TCEA1: variants seen among roughly 807,000 people sequenced by gnomAD.
TCEA1 encodes the protein transcription elongation factor A protein 1.
A neutral mutation model predicts 43.8 loss-of-function variants in TCEA1; 21 were observed. That is an observed-to-expected ratio of 0.48 (90% CI 0.34 to 0.69). The LOEUF (loss-of-function observed/expected upper bound fraction) is 0.69. TCEA1 is among the 30% of genes least tolerant of loss of function. TCEA1 has a pLI of 0.01. For missense variants in TCEA1, 250 were observed against 365.1 expected (o/e 0.68, Z 2.57); for synonymous variants, 104 against 117.5 (o/e 0.88, Z 0.75).
chr8:54,004,772 T>C (rs1169908686), intron 2 of TCEA1, among the ~76,000 whole-genome samples: 1 of 140,324 alleles, frequency 7.1e-6, no homozygotes, highest in Non-Finnish European at 1.5e-5. Context: ...TATATCTCAA[T>C]AATACTGTTT....
chr8:54,014,103 CA>C (rs1299784432), intron 1 of TCEA1, among the ~76,000 whole-genome samples: 4 of 151,860 alleles, frequency 2.6e-5, no homozygotes. Context: ...TAACTACACA[CA>C]AAAAAAAGAA....
Position 54,022,117 on chromosome 8 carries a change from G to A in TCEA1, c.9C>T (p.Asp3=), listed in dbSNP as rs1805062633. The A allele has an allele frequency of 4.4e-6, 7 of 1,603,330 alleles. No individual in the cohort carries two copies. Among genetic ancestry groups the A allele is most frequent in the Non-Finnish European group, 5.1e-6 (6 of 1,175,410 alleles). Residue 3 remains aspartate, a synonymous_variant, in exon 1 of 10, where the codon GAC becomes GAT. Transcript: ENST00000521604. ME[D]EVVRFAKKMD... is the part of the protein sequence containing the mutation. ...TCTTCTTGGCAAAGCGGACCACTTC[G>A]TCCTCCATGGCTCCGGCAGGTCTTC...
chr8:54,000,297 A>T (rs1804216478), intron 2 of TCEA1, among the ~76,000 whole-genome samples: 1 of 152,228 alleles, frequency 6.6e-6, no homozygotes, highest in African/African-American at 2.4e-5. Context: ...AAGTCTGGTT[A>T]ACTAGAAAAA....
chr8:53,990,464 C>A (rs369250350), intron 4 of TCEA1, among the ~76,000 whole-genome samples: 1 of 151,532 alleles, frequency 6.6e-6, no homozygotes, highest in Non-Finnish European at 1.5e-5. Flanking sequence ...CAAACTCAGA[C>A]GGTTCTCCTG....
At chr8:54,008,908 G>A (rs183006315) in intron 2 of TCEA1, among the ~76,000 whole-genome samples, 1 of 148,552 alleles carries the variant, frequency 6.7e-6, no homozygotes, top group African/African-American at 2.5e-5. Flanking sequence ...GAAGTGCAGT[G>A]GCGCAATCTC....
At chr8:53,996,903 C>CTTTGTTTTTTTTTTTTTTT in intron 3 of TCEA1, among the ~76,000 whole-genome samples, 1 of 116,626 alleles carries the variant, frequency 8.6e-6, no homozygotes, top group Non-Finnish European at 1.6e-5. Context: ...AGAAGGTTGT[C>CTTTGTTTTTTTTTTTTTTT]TTTTTTTTTT....
At position 53,978,905 on chromosome 8, in the gene TCEA1, C is replaced by T. The variant is rs894121481; in HGVS notation, c.825+120G>A. 2.0e-5 allele frequency: 25 copies of T among 1,236,050 alleles called. No individual in the cohort carries two copies. In the East Asian group the frequency reaches 6.1e-4, roughly 30 times the overall value. The allele number at this position is 1,236,050 out of a possible 1,614,324, so 76.6% of individuals were successfully genotyped here. ...CAGGCATCCACTCAGGGTCTTAGAA[C>T]ATATCCCTCCATGGATAAGTGAGGG... On this transcript the variant is annotated intron_variant, in intron 8 of 9. Transcript: ENST00000521604.
At chr8:54,021,878 G>T (rs568736806) in intron 1 of TCEA1, 185 bp downstream of exon 1, 10 of 440,818 alleles carry the variant, frequency 2.3e-5, no homozygotes, top group South Asian at 5.9e-5. Context: ...GGGTCCTAAC[G>T]CAGGTTGCCG....
chr8:54,011,128 A>T (rs1185822806), intron 1 of TCEA1, among the ~76,000 whole-genome samples: 1 of 152,188 alleles, frequency 6.6e-6, no homozygotes, highest in Non-Finnish European at 1.5e-5. Flanking sequence ...ACTTTTGCTT[A>T]TTGAAAGAAT....
chr8:53,998,961 G>A (rs145261524), intron 3 of TCEA1, among the ~76,000 whole-genome samples: 1 of 152,192 alleles, frequency 6.6e-6, no homozygotes, highest in Non-Finnish European at 1.5e-5. Context: ...AGGCGAGGTG[G>A]CTCACGCCTG....
chr8:54,022,056 C>T lies in TCEA1; in HGVS notation c.63+7G>A, dbSNP rs1218496276. ...CCCTCCCGGCCCGCGCCGCTCGCCG[C>T]GCTCACCGCGTTCTTCTTCTGCACC... On this transcript the variant is annotated splice_region_variant and intron_variant, in intron 1 of 9. Transcript: ENST00000521604. 15 of 1,585,298 alleles carry T rather than the reference C, an allele frequency of 9.5e-6. No homozygotes were observed. In the South Asian group the frequency reaches 1.6e-4, roughly 17 times the overall value.
At position 53,967,990 on chromosome 8, in the gene TCEA1, C is replaced by T. The variant is rs551982307; in HGVS notation, c.*114G>A. 3.4e-5 allele frequency: 33 copies of T among 960,938 alleles called. No individual in the cohort carries two copies. In the South Asian group the frequency reaches 5.8e-4, roughly 17 times the overall value. 59.5% of individuals were successfully genotyped at this position (960,938 alleles called of 1,614,324 possible). A position where few individuals can be genotyped will look rare whatever the true frequency, so the allele number is the denominator to read the frequency against. ...ATGTTAGGTCAAAAACAAAGTCTAACCCAAGTTGCTTTAAAAATTTGATTT... is the reference window on the plus strand; with the variant it reads ...ATGTTAGGTCAAAAACAAAGTCTAATCCAAGTTGCTTTAAAAATTTGATTT... On this transcript the variant is annotated 3_prime_UTR_variant, in exon 10 of 10. Transcript: ENST00000521604.
chr8:54,005,945 A>G (rs1804423183), intron 2 of TCEA1, among the ~76,000 whole-genome samples: 1 of 152,142 alleles, frequency 6.6e-6, no homozygotes. Flanking sequence ...TTAACCCCAT[A>G]TGCAACTAGC....
chr8:53,973,527 C>T, intron 8 of TCEA1: 1 of 513,642 alleles, frequency 1.9e-6, no homozygotes, highest in Non-Finnish European at 3.7e-6. Flanking sequence ...AAAGATGGCA[C>T]ATCTCCAGAA....
chr8:53,974,641 C>T (rs1232634005), intron 8 of TCEA1, among the ~76,000 whole-genome samples: 2 of 151,996 alleles, frequency 1.3e-5, no homozygotes, highest in Non-Finnish European at 2.9e-5. Flanking sequence ...AATTCTCCTG[C>T]CTCAGCCTCC....
intron 6 of TCEA1, among the ~76,000 whole-genome samples, chr8:53,984,792 A>G (rs1351178223): frequency 1.3e-5 from 2 of 151,888 alleles, no homozygotes; most frequent in African/African-American, 4.8e-5. Context: ...CTGAGGCAGG[A>G]CAACCACTTG....
At chr8:53,998,553 A>AT (rs569636472) in intron 3 of TCEA1, among the ~76,000 whole-genome samples, 2 of 152,008 alleles carry the variant, frequency 1.3e-5, no homozygotes, top group African/African-American at 2.4e-5. Context: ...CACAACAGTA[A>AT]TTTTTTTTAT....
intron 4 of TCEA1, among the ~76,000 whole-genome samples, chr8:53,990,426 A>G (rs961281207): frequency 2.0e-5 from 3 of 151,030 alleles, no homozygotes; most frequent in African/African-American, 7.3e-5. Flanking sequence ...GCAGTGAAAC[A>G]ACCATGGCTT....
At chr8:53,978,369 T>C (rs1803395288) in intron 8 of TCEA1, among the ~76,000 whole-genome samples, 1 of 152,190 alleles carries the variant, frequency 6.6e-6, no homozygotes, top group South Asian at 2.1e-4. Flanking sequence ...GGTCTGAAAA[T>C]ATTAAATGAA....
Sources: gnomAD v4.1 joint callset for allele counts (sites outside exome capture counted in the v4.1 genomes callset) on GRCh38, gnomAD v4.1.1 for gene constraint, MANE v1.5 for transcripts, NCBI Gene and HGNC (gene_info 2026-07-23, HGNC 2026-07-21) for gene names.